The following ASAP2 variants were observed in gnomAD, a reference collection of about 807,000 sequenced individuals.
ASAP2 encodes arf-GAP with SH3 domain, ANK repeat and PH domain-containing protein 2.
Under a neutral mutation model 131.4 loss-of-function variants are expected in ASAP2, and 45 were observed. The observed-to-expected ratio is 0.34, with a 90% CI of 0.27 to 0.44. The LOEUF is 0.44. Ranked by LOEUF, ASAP2 falls within the 20% of genes least tolerant of loss-of-function variation. The pLI, the probability that ASAP2 is intolerant of heterozygous loss-of-function variation, is 1.00. For synonymous variants in ASAP2, 510 were observed against 503.0 expected, an observed-to-expected ratio of 1.01 and a Z score of -0.19; for missense variants, 1,011 against 1,297.0, an observed-to-expected ratio of 0.78 and a Z score of 3.39.
chr2:9,323,500 T>C (rs1247977482), intron 6 of ASAP2, among the ~76,000 whole-genome samples: 1 of 152,258 alleles, frequency 6.6e-6, no homozygotes. Context: ...GAATGTTCTT[T>C]CTGGCTTCAC....
At chr2:9,396,592 T>A (rs1217277942) in intron 24 of ASAP2, among the ~76,000 whole-genome samples, 1 of 152,204 alleles carries the variant, frequency 6.6e-6, no homozygotes, top group African/African-American at 2.4e-5. Context: ...TAGGTTTAAT[T>A]TTTAAAAATC....
intron 23 of ASAP2, among the ~76,000 whole-genome samples, chr2:9,391,763 T>A (rs1675747900): frequency 6.6e-6 from 1 of 151,024 alleles, no homozygotes; most frequent in Admixed American, 6.6e-5. Flanking sequence ...TTTTGTATTT[T>A]TAGTAGAGAT....
intron 12 of ASAP2, among the ~76,000 whole-genome samples, chr2:9,351,728 G>A (rs760843202): frequency 5.9e-5 from 9 of 152,146 alleles, no homozygotes; most frequent in Non-Finnish European, 1.3e-4. Context: ...ATTATTGAGG[G>A]CTAGGAAGTC....
At chr2:9,250,393 G>A (rs141547459) in intron 1 of ASAP2, among the ~76,000 whole-genome samples, 5 of 152,300 alleles carry the variant, frequency 3.3e-5, no homozygotes, top group East Asian at 3.9e-4. Flanking sequence ...GAGTTCTCGC[G>A]GTGCCCCAGG....
chr2:9,299,897 A>G (rs1668375798), intron 3 of ASAP2, among the ~76,000 whole-genome samples: 1 of 152,172 alleles, frequency 6.6e-6, no homozygotes, highest in South Asian at 2.1e-4. Flanking sequence ...TGTCATCCCC[A>G]CTTTACAGAT....
intron 2 of ASAP2, among the ~76,000 whole-genome samples, chr2:9,286,441 A>ATATATATATATAT (rs1175112143): frequency 7.1e-4 from 93 of 130,190 alleles, no homozygotes; most frequent in African/African-American, 2.4e-3. Context: ...AAAAAGGAAA[A>ATATATATATATAT]AAAAAAATAT....
intron 3 of ASAP2, among the ~76,000 whole-genome samples, chr2:9,303,049 A>G (rs1330756547): frequency 1.3e-5 from 2 of 152,214 alleles, no homozygotes; most frequent in African/African-American, 2.4e-5. Context: ...TCTTGCTACC[A>G]GAGGTCCTCA....
At chr2:9,363,247 C>T (rs532552598) in intron 15 of ASAP2, among the ~76,000 whole-genome samples, 2 of 152,268 alleles carry the variant, frequency 1.3e-5, no homozygotes, top group Admixed American at 1.3e-4. Context: ...AATAGTGCTG[C>T]AGTAAACAAG....
In ASAP2 at chr2:9,270,663, T is replaced by C. The variant is rs138614019; in HGVS notation, c.127-8654T>C. ...CCTGTTTCTATCAAATACTAGATCT[T>C]ATTCATTCTGTCCACCTATATTTTT... is the stretch of plus-strand genomic sequence containing the variant. On this transcript the variant is annotated intron_variant, in intron 1 of 27. Transcript: ENST00000281419. Among the ~76,000 whole-genome samples, 543 of 152,120 alleles carry C rather than the reference T, an allele frequency of 3.6e-3. 2 individuals carry two copies. The highest frequency in any genetic ancestry group is 0.013 in the African/African-American group (523 of 41,490).
intron 15 of ASAP2, among the ~76,000 whole-genome samples, chr2:9,360,869 A>T (rs1673031291): frequency 6.6e-6 from 1 of 152,156 alleles, no homozygotes; most frequent in Non-Finnish European, 1.5e-5. Flanking sequence ...AAAATTCCTG[A>T]AATTTTAACA....
In ASAP2 at chr2:9,374,993, A is replaced by G. The variant is rs748882499; in HGVS notation, c.1746+49A>G. On this transcript the variant is annotated intron_variant, in intron 17 of 27. Transcript: ENST00000281419. ...TTTAAAAAAAAAAAAAAGGCCGGCCACGGTGGCTCATGCCTGGGATCCAGT... is the reference window on the plus strand; with the variant it reads ...TTTAAAAAAAAAAAAAAGGCCGGCCGCGGTGGCTCATGCCTGGGATCCAGT... The G allele has an allele frequency of 7.4e-6, 11 of 1,493,338 alleles. No individual in the cohort carries two copies. In the Admixed American group the frequency reaches 1.6e-4, roughly 21 times the overall value. 92.5% of individuals were successfully genotyped at this position (1,493,338 alleles called of 1,614,324 possible).
intron 2 of ASAP2, among the ~76,000 whole-genome samples, chr2:9,282,512 G>A (rs76137049): frequency 6.6e-6 from 1 of 152,176 alleles, no homozygotes; most frequent in Non-Finnish European, 1.5e-5. Flanking sequence ...AGAACTAGAT[G>A]TCAGAAATAA....
At chr2:9,261,741 A>G (rs573805734) in intron 1 of ASAP2, among the ~76,000 whole-genome samples, 11 of 152,322 alleles carry the variant, frequency 7.2e-5, no homozygotes, top group African/African-American at 2.6e-4. Context: ...GGACTGCCAC[A>G]TGCAGGGGAG....
chr2:9,259,545 A>G (rs1327392203), intron 1 of ASAP2, among the ~76,000 whole-genome samples: 1 of 143,940 alleles, frequency 6.9e-6, no homozygotes. Flanking sequence ...ATCAGAGGGC[A>G]CAGTTTTCAG....
At chr2:9,210,207 C>G (rs548358544) in intron 1 of ASAP2, among the ~76,000 whole-genome samples, 25 of 152,220 alleles carry the variant, frequency 1.6e-4, no homozygotes, top group Non-Finnish European at 1.5e-4. Context: ...ATGCCGAATT[C>G]TCTAAATTAC....
intron 22 of ASAP2, among the ~76,000 whole-genome samples, chr2:9,390,536 T>G (rs966802755): frequency 5.3e-5 from 8 of 152,238 alleles, no homozygotes; most frequent in Non-Finnish European, 1.2e-4. Flanking sequence ...GTCATCTGTG[T>G]CTGCTTCCAG....
At chr2:9,393,407 A>C in intron 23 of ASAP2, 75 bp from the exon 24 acceptor site, 3 of 1,297,094 alleles carry the variant, frequency 2.3e-6, no homozygotes, top group Non-Finnish European at 2.1e-6. Context: ...CCTTCTCAGA[A>C]AAGCCTCCAG....
rs1456980082 is a variant in ASAP2, at chr2:9,207,096, GC to G, written c.-7del. 1 of 1,572,110 alleles carries G rather than the reference GC, an allele frequency of 6.4e-7. No homozygotes were observed. Among genetic ancestry groups the G allele is most frequent in the Non-Finnish European group, 8.6e-7 (1 of 1,160,190 alleles). ...TGCGGCTGTGCGCCAGCGCCCTCGC[GC>G]CGAGGCGATGCCGGACCAGATCTCC... On this transcript the variant is annotated 5_prime_UTR_variant, in exon 1 of 28. Transcript: ENST00000281419. This position sits in a 1 kb window ranked among gnomAD's most constrained non-coding sequence, Gnocchi z 4.1.
intron 3 of ASAP2, among the ~76,000 whole-genome samples, chr2:9,314,803 T>C (rs1311504637): frequency 6.6e-6 from 1 of 151,382 alleles, no homozygotes; most frequent in African/African-American, 2.4e-5. Flanking sequence ...TGGTTGTGGG[T>C]GCTTGTAATC....
Sources: gnomAD v4.1 joint callset for allele counts (sites outside exome capture counted in the v4.1 genomes callset) on GRCh38, gnomAD v4.1.1 for gene constraint, Gnocchi (gnomAD v3.1) non-coding constraint, MANE v1.5 for transcripts, NCBI Gene and HGNC (gene_info 2026-07-23, HGNC 2026-07-21) for gene names.